The following BMS1 variants were observed in gnomAD, a reference collection of about 807,000 sequenced individuals.
The protein encoded by BMS1 is BMS1 ribosome biogenesis factor, also known as ribosome biogenesis protein BMS1 homolog.
A neutral mutation model predicts 138.7 loss-of-function variants in BMS1; 53 were observed. The observed-to-expected ratio is 0.38, with a 90% CI of 0.31 to 0.48. The LOEUF (loss-of-function observed/expected upper bound fraction) is 0.48. Among genes scored for constraint, BMS1 ranks in the 20% least tolerant of loss-of-function variants. The probability of loss-of-function intolerance (pLI) is 0.97; values close to 1 mark genes in which losing one functional copy is unlikely to be tolerated. For missense variants in BMS1, 1,360 were observed against 1,565.5 expected, an observed-to-expected ratio of 0.87 and a Z score of 2.22; for synonymous variants, 504 against 539.9, an observed-to-expected ratio of 0.93 and a Z score of 0.92.
At chr10:42,830,557 C>A in intron 22 of BMS1, 135 bp downstream of exon 22, 1 of 1,254,164 alleles carries the variant, frequency 8.0e-7, no homozygotes, top group Admixed American at 2.9e-5. Context: ...AGCCAGAGTC[C>A]ATTTCCCTTT....
intron 21 of BMS1, among the ~76,000 whole-genome samples, chr10:42,824,604 T>C (rs1842588922): frequency 2.0e-5 from 3 of 152,320 alleles, no homozygotes; most frequent in Middle Eastern, 6.8e-3. Flanking sequence ...CTAGGAGTTT[T>C]ATGGTTTCAG....
At chr10:42,815,176 G>A (rs1842309129) in intron 13 of BMS1, among the ~76,000 whole-genome samples, 1 of 152,146 alleles carries the variant, frequency 6.6e-6, no homozygotes, top group African/African-American at 2.4e-5. Flanking sequence ...TATTTTTGAT[G>A]TTGAGTCTTT....
intron 15 of BMS1, among the ~76,000 whole-genome samples, 183 bp downstream of exon 15, chr10:42,817,677 T>C (rs1588748676): frequency 6.6e-6 from 1 of 152,236 alleles, no homozygotes; most frequent in South Asian, 2.1e-4. Context: ...GCTCATTGTT[T>C]CTGCAGTCAG....
At chr10:42,785,960 C>T (rs962301532) in intron 3 of BMS1, among the ~76,000 whole-genome samples, 61 of 152,264 alleles carry the variant, frequency 4.0e-4, no homozygotes, top group African/African-American at 1.2e-3. Flanking sequence ...TGCTCGATTG[C>T]GACACCAGCC....
chr10:42,824,847 T>G (rs983145176), intron 21 of BMS1, among the ~76,000 whole-genome samples: 4 of 152,146 alleles, frequency 2.6e-5, no homozygotes, highest in African/African-American at 9.7e-5. Flanking sequence ...ATTGGTCTAT[T>G]TTTTTGTTTT....
chr10:42,831,091 C>G lies in BMS1; in HGVS notation c.3844C>G (p.Gln1282Glu), dbSNP rs1025609671. 6.4e-7 allele frequency: 1 copy of G among 1,561,172 alleles called. No individual in the cohort carries two copies. The highest frequency in any genetic ancestry group is 1.4e-5 in the African/African-American group (1 of 73,658). The change falls in exon 23 of 23, where the codon CAG (glutamine) becomes GAG (glutamate). Residue 1282 changes from glutamine (Q) to glutamate (E), a missense_variant. This residue lies in a region of BMS1 where 425 missense variants were observed against 568.3 expected (regional missense o/e 0.75). Coordinates refer to ENST00000374518, the MANE Select transcript of BMS1 (RefSeq NM_014753.4). Reference sequence around the variant, plus strand: ...TTTGAAGGGGGCTGAGGGCCAATTGCAGTGAGCCTTTGGACTGGAGGGACT... The same window carrying G: ...TTTGAAGGGGGCTGAGGGCCAATTGGAGTGAGCCTTTGGACTGGAGGGACT... ...SSLKGAEGQL[Q>E]
At chr10:42,830,135 G>A (rs188029050) in intron 21 of BMS1, 126 bp from the exon 22 acceptor site, 25 of 1,082,846 alleles carry the variant, frequency 2.3e-5, no homozygotes. Flanking sequence ...GATTTCTCAG[G>A]GCCGGCAGAC....
At chr10:42,795,008 G>A (rs1291289769) in intron 9 of BMS1, among the ~76,000 whole-genome samples, 2 of 151,176 alleles carry the variant, frequency 1.3e-5, no homozygotes, top group Non-Finnish European at 3.0e-5. Flanking sequence ...GTGAGAATAT[G>A]CGGTGTTTGG....
chr10:42,822,340 C>T (rs1230608739), intron 19 of BMS1, among the ~76,000 whole-genome samples, 156 bp downstream of exon 19: 1 of 152,100 alleles, frequency 6.6e-6, no homozygotes, highest in Non-Finnish European at 1.5e-5. Flanking sequence ...TTCTGTGTTA[C>T]TTAAATATGC....
At position 42,796,628 on chromosome 10, in the gene BMS1, G is replaced by T. The variant is rs1339741036; in HGVS notation, c.1384G>T (p.Asp462Tyr). 9 of 1,614,068 alleles carry T rather than the reference G, an allele frequency of 5.6e-6. No individual in the cohort carries two copies. The highest frequency in any genetic ancestry group is 7.6e-6 in the Non-Finnish European group (9 of 1,180,034). The change falls in exon 10 of 23, where the codon GAT becomes TAT. Residue 462 changes from aspartate (D) to tyrosine (Y), a missense_variant. Around this residue, in one of 3 missense-constraint regions of BMS1, gnomAD observed 697 missense variants for 686.2 expected, o/e 1.02. Coordinates refer to ENST00000374518, the MANE Select transcript of BMS1 (RefSeq NM_014753.4). ...TGACGGGTTGGAAAACGGCTCTAGTGATGAGGAAGCAGAAGAGGAGGAAAA... is the reference window on the plus strand; with the variant it reads ...TGACGGGTTGGAAAACGGCTCTAGTTATGAGGAAGCAGAAGAGGAGGAAAA... The part of the protein sequence containing the change: ...EDDGLENGSS[D>Y]EEAEEEENAE...
At chr10:42,786,207 A>G (rs1245428833) in intron 3 of BMS1, among the ~76,000 whole-genome samples, 2 of 152,212 alleles carry the variant, frequency 1.3e-5, no homozygotes, top group Non-Finnish European at 2.9e-5. Context: ...CCAGGTGCAT[A>G]TGCTTGCCTT....
At chr10:42,805,118 G>A (rs1028288993) in intron 13 of BMS1, among the ~76,000 whole-genome samples, 2 of 152,186 alleles carry the variant, frequency 1.3e-5, no homozygotes, top group Non-Finnish European at 2.9e-5. Flanking sequence ...AAGTCTTACA[G>A]TTTCAGGTTT....
At chr10:42,788,287 T>C (rs1003388613) in intron 4 of BMS1, among the ~76,000 whole-genome samples, 5 of 152,174 alleles carry the variant, frequency 3.3e-5, no homozygotes, top group African/African-American at 1.2e-4. Flanking sequence ...TGTTTCTCTT[T>C]TATTTAAAAT....
chr10:42,824,345 A>C (rs529721917), intron 21 of BMS1, among the ~76,000 whole-genome samples: 2 of 152,122 alleles, frequency 1.3e-5, no homozygotes, highest in African/African-American at 4.8e-5. Flanking sequence ...TTTTTCTGCT[A>C]TTAAGTTGTA....
At chr10:42,799,764 C>T (rs1160062190) in intron 12 of BMS1, among the ~76,000 whole-genome samples, 1 of 152,186 alleles carries the variant, frequency 6.6e-6, no homozygotes, top group African/African-American at 2.4e-5. Context: ...AGTCCAGCCT[C>T]TTAAGGTGAT....
intron 13 of BMS1, among the ~76,000 whole-genome samples, chr10:42,816,301 A>T (rs1842348058): frequency 6.6e-6 from 1 of 152,198 alleles, no homozygotes; most frequent in South Asian, 2.1e-4. Context: ...TCTGTCTCCA[A>T]AAATAAAAAA....
intron 21 of BMS1, among the ~76,000 whole-genome samples, chr10:42,824,516 G>A (rs558751146): frequency 8.5e-5 from 13 of 152,192 alleles, no homozygotes; most frequent in African/African-American, 3.1e-4. Flanking sequence ...GTTTACATTT[G>A]TAGCCTGGCT....
At chr10:42,785,183 A>C (rs1841288469) in intron 2 of BMS1, among the ~76,000 whole-genome samples, 1 of 152,218 alleles carries the variant, frequency 6.6e-6, no homozygotes. Context: ...AAAACTATTA[A>C]AATCACTCTT....
chr10:42,803,446 T>G (rs938622947), intron 13 of BMS1, among the ~76,000 whole-genome samples: 1 of 152,162 alleles, frequency 6.6e-6, no homozygotes, highest in Non-Finnish European at 1.5e-5. Context: ...GTCTGTAGTA[T>G]GTGAATGTAT....
Sources: allele counts gnomAD v4.1 joint callset (sites outside exome capture counted in the v4.1 genomes callset), GRCh38; gene constraint gnomAD v4.1.1; regional missense constraint gnomAD v4.1.1; transcripts MANE v1.5; gene names NCBI Gene and HGNC (gene_info 2026-07-23, HGNC 2026-07-21).